NCKAP5: variants seen among roughly 807,000 people sequenced by gnomAD.
NCKAP5 encodes nck-associated protein 5.
In NCKAP5, 92 loss-of-function variants were observed where a neutral mutation model predicts 167.0. That is an observed-to-expected ratio of 0.55 (90% CI 0.47 to 0.66). The LOEUF is 0.66. NCKAP5 is among the 30% of genes least tolerant of loss of function. NCKAP5 has a pLI of 0.00. For missense variants in NCKAP5, 2,378 were observed against 2,315.0 expected (o/e 1.03, Z -0.56); for synonymous variants, 891 against 877.4 (o/e 1.02, Z -0.27).
intron 19 of NCKAP5, among the ~76,000 whole-genome samples, chr2:132,694,942 C>G (rs576205445): frequency 7.2e-5 from 11 of 152,158 alleles, no homozygotes; most frequent in Non-Finnish European, 1.3e-4. Flanking sequence ...GTTCTGGAGG[C>G]TGGAAAGTCC....
intron 3 of NCKAP5, among the ~76,000 whole-genome samples, chr2:133,419,957 G>T (rs1689367514): frequency 6.6e-6 from 1 of 152,156 alleles, no homozygotes; most frequent in Non-Finnish European, 1.5e-5. Flanking sequence ...TCTAAACATT[G>T]CTGAAGACCC....
the NCKAP5 span, among the ~76,000 whole-genome samples, chr2:133,627,392 AT>A: frequency 6.6e-6 from 1 of 152,344 alleles, no homozygotes; most frequent in African/African-American, 2.4e-5. Context: ...ACTTATGTTG[AT>A]GTTTTTATAT....
chr2:132,975,932 C>T (rs962676747), intron 7 of NCKAP5, among the ~76,000 whole-genome samples: 6 of 152,236 alleles, frequency 3.9e-5, no homozygotes, highest in South Asian at 2.1e-4. Context: ...CTGACAACCC[C>T]GTCACTGAGT....
chr2:133,629,381 G>T, the NCKAP5 span, among the ~76,000 whole-genome samples: 201 of 152,298 alleles, frequency 1.3e-3, 1 homozygote, highest in African/African-American at 4.7e-3. Context: ...ATGAAAAAAA[G>T]CTCAGTATCA....
chr2:133,223,258 A>C (rs2086731251), intron 4 of NCKAP5, among the ~76,000 whole-genome samples: 1 of 152,328 alleles, frequency 6.6e-6, no homozygotes, highest in East Asian at 1.9e-4. Flanking sequence ...AATCTTAAAC[A>C]GAAGATTCAA....
intron 6 of NCKAP5, among the ~76,000 whole-genome samples, chr2:133,051,480 G>C (rs1266649184): frequency 4.9e-4 from 75 of 152,154 alleles, no homozygotes; most frequent in Non-Finnish European, 5.9e-5. Context: ...ACAGTCCCAA[G>C]ATTCACTTGG....
the NCKAP5 span, among the ~76,000 whole-genome samples, chr2:133,590,891 CTGTCTGTG>C: frequency 2.4e-5 from 2 of 82,360 alleles, no homozygotes; most frequent in East Asian, 1.9e-3. Context: ...TGAGAGTATG[CTGTCTGTG>C]TGTGTGTTTG....
chr2:133,164,129 G>A (rs962423155), intron 5 of NCKAP5, among the ~76,000 whole-genome samples: 22 of 152,154 alleles, frequency 1.4e-4, no homozygotes, highest in Non-Finnish European at 2.6e-4. Flanking sequence ...AGTTCACTGT[G>A]TACAGGTCCA....
At chr2:133,284,160 C>CATAT (rs5834351) in intron 4 of NCKAP5, among the ~76,000 whole-genome samples, 20,795 of 149,832 alleles carry the variant, frequency 0.14, 1,402 homozygotes, top group South Asian at 0.16. Context: ...TAAGATTGTG[C>CATAT]ATATATATAT....
At chr2:133,020,278 G>A (rs1444330308) in intron 6 of NCKAP5, among the ~76,000 whole-genome samples, 1 of 152,172 alleles carries the variant, frequency 6.6e-6, no homozygotes, top group South Asian at 2.1e-4. Flanking sequence ...GGACCCTACT[G>A]CTAGATGAGA....
rs1054607963 is a variant in NCKAP5, at chr2:132,673,177, G to T, written c.*112C>A. ...TTTCTTCCTTCTGTCCTTCAACCTT[G>T]TTCAGAGAGTTCTTCTCTTTTTCTA... is the stretch of plus-strand genomic sequence containing the variant. On this transcript the variant is annotated 3_prime_UTR_variant, in exon 20 of 20. Coordinates refer to ENST00000409261, the MANE Select transcript of NCKAP5 (RefSeq NM_207363.3). 2 of 1,396,262 alleles carry T rather than the reference G, an allele frequency of 1.4e-6. No individual in the cohort carries two copies. The highest frequency in any genetic ancestry group is 2.8e-5 in the East Asian group (1 of 35,848). The allele number at this position is 1,396,262 out of a possible 1,614,324, so 86.5% of individuals were successfully genotyped here.
At chr2:132,739,566 T>C (rs1450999001) in intron 16 of NCKAP5, among the ~76,000 whole-genome samples, 5 of 152,108 alleles carry the variant, frequency 3.3e-5, no homozygotes, top group Non-Finnish European at 5.9e-5. Flanking sequence ...TATATTTCTA[T>C]AACCGGTTGT....
chr2:133,074,536 A>G (rs1229294491), intron 6 of NCKAP5, among the ~76,000 whole-genome samples: 2 of 151,916 alleles, frequency 1.3e-5, no homozygotes, highest in Non-Finnish European at 2.9e-5. Context: ...GTTTTTTCAT[A>G]TTTTTTGTAG....
At chr2:133,042,459 G>A (rs898167041) in intron 6 of NCKAP5, among the ~76,000 whole-genome samples, 4 of 152,160 alleles carry the variant, frequency 2.6e-5, no homozygotes, top group Admixed American at 1.3e-4. Context: ...TGAGCAGACA[G>A]TAAAACAATT....
intron 6 of NCKAP5, chr2:133,122,631 C>T (rs976134574): frequency 5.3e-5 from 8 of 152,092 alleles, no homozygotes; most frequent in African/African-American, 1.9e-4. Context: ...TTGGCTGTTC[C>T]CAACAGAAAT....
At chr2:133,098,117 G>C (rs2081398092) in intron 6 of NCKAP5, among the ~76,000 whole-genome samples, 2 of 152,176 alleles carry the variant, frequency 1.3e-5, no homozygotes, top group African/African-American at 4.8e-5. Flanking sequence ...AAGTAAATGA[G>C]AGCTATTCCA....
chr2:132,712,585 G>A (rs1573959957), intron 19 of NCKAP5, among the ~76,000 whole-genome samples: 1 of 152,216 alleles, frequency 6.6e-6, no homozygotes, highest in East Asian at 1.9e-4. Flanking sequence ...CCGGAAGGCG[G>A]AGCTTGCAGT....
chr2:132,785,144 G>T lies in NCKAP5; in HGVS notation c.1667C>A (p.Thr556Lys). 6.2e-7 allele frequency: 1 copy of T among 1,610,228 alleles called. No individual in the cohort carries two copies. Among genetic ancestry groups the T allele is most frequent in the Middle Eastern group, 1.7e-4 (1 of 6,022 alleles). ...GCCCCTCTCCCTCTGTACCTGAGGC[G>T]TCTGCACACTTGGGCACAGCTTCAT... Reference protein sequence around the residue: ...LEMKLCPSVQTPQVQRERGPQ... With the variant: ...LEMKLCPSVQKPQVQRERGPQ... Residue 556 changes from threonine (T) to lysine (K), a missense_variant, in exon 14 of 20, where the codon ACG (threonine) becomes AAG (lysine). This residue lies in a region of NCKAP5 where 1,049 missense variants were observed against 1,023.4 expected (regional missense o/e 1.02). Transcript: ENST00000409261.
At chr2:133,637,029 A>C in the NCKAP5 span, among the ~76,000 whole-genome samples, 1 of 151,106 alleles carries the variant, frequency 6.6e-6, no homozygotes, top group Non-Finnish European at 1.5e-5. Context: ...GATTTTTAAA[A>C]ATATTTAAAG....
Sources: gnomAD v4.1 joint callset for allele counts (sites outside exome capture counted in the v4.1 genomes callset) on GRCh38, gnomAD v4.1.1 for gene constraint, gnomAD v4.1.1 regional missense constraint, MANE v1.5 for transcripts, NCBI Gene and HGNC (gene_info 2026-07-23, HGNC 2026-07-21) for gene names.